Variants in PPM1H observed in about 807,000 individuals in gnomAD.
PPM1H encodes the protein protein phosphatase 1H.
PPM1H carries 27 observed loss-of-function variants against 54.9 expected under a neutral mutation model. That is an observed-to-expected ratio of 0.49 (90% CI 0.36 to 0.68). PPM1H has a LOEUF of 0.68. Among genes scored for constraint, PPM1H ranks in the 30% least tolerant of loss-of-function variants. PPM1H has a pLI of 0.00. For synonymous variants in PPM1H, 305 were observed against 270.8 expected, an observed-to-expected ratio of 1.13 and a Z score of -1.24; for missense variants, 596 against 667.8, an observed-to-expected ratio of 0.89 and a Z score of 1.19.
At chr12:62,779,563 C>G (rs919922217) in intron 4 of PPM1H, among the ~76,000 whole-genome samples, 2 of 152,208 alleles carry the variant, frequency 1.3e-5, no homozygotes, top group African/African-American at 4.8e-5. Context: ...GTGCTGAAGG[C>G]CTTCCAGGCA....
At chr12:62,886,363 T>C (rs575240050) in intron 1 of PPM1H, among the ~76,000 whole-genome samples, 4 of 152,238 alleles carry the variant, frequency 2.6e-5, no homozygotes, top group Non-Finnish European at 5.9e-5. Context: ...AATAAGGTGT[T>C]AATCCAAGTT....
intron 8 of PPM1H, among the ~76,000 whole-genome samples, chr12:62,671,364 C>G (rs891674757): frequency 7.2e-5 from 11 of 151,992 alleles, no homozygotes; most frequent in African/African-American, 2.4e-4. Flanking sequence ...AAAAGCCAGA[C>G]GAATCCTTGA....
rs2075795289 is a variant in PPM1H, at chr12:62,647,952, A to AAAAG, written c.*533_*536dup. On this transcript the variant is annotated 3_prime_UTR_variant, in exon 10 of 10. Coordinates refer to ENST00000228705, the MANE Select transcript of PPM1H (RefSeq NM_020700.2). ...CCCTGCCTCACTCCACCACTGCCAT[A>AAAAG]AAAGAATAGAAACAGAGAAGAAAAA... 6.6e-6 allele frequency: 1 copy of AAAAG among 151,674 alleles called. No homozygotes were observed. Among genetic ancestry groups the AAAAG allele is most frequent in the Non-Finnish European group, 1.5e-5 (1 of 68,112 alleles). 9.4% of individuals were successfully genotyped at this position (151,674 alleles called of 1,614,324 possible). A position where few individuals can be genotyped will look rare whatever the true frequency, so the allele number is the denominator to read the frequency against.
chr12:62,893,643 G>C (rs1049299602), intron 1 of PPM1H, among the ~76,000 whole-genome samples: 1 of 151,830 alleles, frequency 6.6e-6, no homozygotes, highest in African/African-American at 2.4e-5. Flanking sequence ...GTGCGGGGGG[G>C]AGGGGGTGTG....
At chr12:62,858,095 C>T (rs961980262) in intron 1 of PPM1H, among the ~76,000 whole-genome samples, 10 of 151,376 alleles carry the variant, frequency 6.6e-5, no homozygotes, top group South Asian at 4.2e-4. Context: ...CACCCCACCA[C>T]GCCCCCTACC....
At chr12:62,760,643 C>A (rs1416835358) in intron 4 of PPM1H, among the ~76,000 whole-genome samples, 1 of 152,192 alleles carries the variant, frequency 6.6e-6, no homozygotes, top group Admixed American at 6.5e-5. Context: ...TCAGACCTTT[C>A]CCAAATCAGC....
intron 1 of PPM1H, among the ~76,000 whole-genome samples, chr12:62,852,472 A>T (rs1172318220): frequency 6.6e-6 from 1 of 152,122 alleles, no homozygotes; most frequent in Non-Finnish European, 1.5e-5. Context: ...GTGAAAAGTA[A>T]ATTTGTTGTT....
intron 1 of PPM1H, among the ~76,000 whole-genome samples, chr12:62,872,037 A>G (rs572873): frequency 4.6e-5 from 7 of 152,100 alleles, no homozygotes; most frequent in African/African-American, 1.7e-4. Context: ...TACAGCATTC[A>G]GTTTCTAGCC....
At chr12:62,689,434 C>A (rs1220918062) in intron 8 of PPM1H, among the ~76,000 whole-genome samples, 1 of 152,106 alleles carries the variant, frequency 6.6e-6, no homozygotes, top group Non-Finnish European at 1.5e-5. Flanking sequence ...GAAAATTTAC[C>A]TGACTGCAAT....
rs1872259296 is a variant in PPM1H at position 62,934,549 on chromosome 12, C to T, written c.188G>A (p.Arg63His). ...AGTCTCCTTGAGGATGAGGATGGGG[C>T]GGGCGATGTGGTCGGCGCTGCACTC... The part of the protein sequence containing the change: ...EVECSADHIA[R>H]PILILKETRR... The change falls in exon 1 of 10, where the codon CGC becomes CAC. Residue 63 changes from arginine to histidine, a missense_variant. This residue lies in a region of PPM1H where 382 missense variants were observed against 387.1 expected (regional missense o/e 0.99). Coordinates refer to ENST00000228705, the MANE Select transcript of PPM1H (RefSeq NM_020700.2). The surrounding 1 kb of genome is among the most constrained non-coding windows in gnomAD (Gnocchi z 4.2). 1.3e-6 allele frequency: 2 copies of T among 1,552,304 alleles called. No individual in the cohort carries two copies. Among genetic ancestry groups the T allele is most frequent in the East Asian group, 2.5e-5 (1 of 40,804 alleles).
chr12:62,822,082 CA>C (rs202147046), intron 2 of PPM1H, among the ~76,000 whole-genome samples: 2 of 149,118 alleles, frequency 1.3e-5, no homozygotes, highest in African/African-American at 4.9e-5. Context: ...AAATGGAAAG[CA>C]AAAAAAAAGC....
At chr12:62,836,004 C>A (rs1168689308) in intron 1 of PPM1H, among the ~76,000 whole-genome samples, 2 of 152,182 alleles carry the variant, frequency 1.3e-5, no homozygotes, top group East Asian at 3.9e-4. Context: ...CAACAGATTC[C>A]TTAAAGGCAA....
intron 3 of PPM1H, among the ~76,000 whole-genome samples, chr12:62,801,235 A>G (rs779972130): frequency 3.9e-5 from 6 of 152,232 alleles, no homozygotes; most frequent in African/African-American, 7.2e-5. Flanking sequence ...AGCTGGCATC[A>G]ATATGAATAT....
At chr12:62,852,492 C>G (rs149059363) in intron 1 of PPM1H, among the ~76,000 whole-genome samples, 1 of 152,134 alleles carries the variant, frequency 6.6e-6, no homozygotes, top group Non-Finnish European at 1.5e-5. Context: ...TTATGTACCA[C>G]TCAGTCTGCG....
At chr12:62,734,386 C>T (rs1195780069) in intron 5 of PPM1H, among the ~76,000 whole-genome samples, 7 of 152,174 alleles carry the variant, frequency 4.6e-5, no homozygotes, top group Non-Finnish European at 8.8e-5. Context: ...ATGAGTAGTA[C>T]TTTCTGTCAC....
chr12:62,926,215 T>C (rs546412275), intron 1 of PPM1H, among the ~76,000 whole-genome samples: 25 of 152,326 alleles, frequency 1.6e-4, no homozygotes, highest in Middle Eastern at 3.4e-3. Flanking sequence ...ACTGAAAGAA[T>C]GGCCACTTTG....
At chr12:62,654,416 A>G (rs1357348078) in intron 9 of PPM1H, among the ~76,000 whole-genome samples, 1 of 152,156 alleles carries the variant, frequency 6.6e-6, no homozygotes, top group Non-Finnish European at 1.5e-5. Flanking sequence ...AGCACACTGC[A>G]TATGCAGCCC....
Position 62,802,148 on chromosome 12 carries a change from C to A in PPM1H, c.424G>T (p.Val142Phe). ...QLKENSESEG[V>F]SCHYWSLFDG... ...AACAGCGACCAATAGTGGCAGGAAACACCCTCGGATTCCTGTGGGAGAGGA... is the reference window on the plus strand; with the variant it reads ...AACAGCGACCAATAGTGGCAGGAAAAACCCTCGGATTCCTGTGGGAGAGGA... Residue 142 changes from valine to phenylalanine, a missense_variant, in exon 3 of 10, where the codon GTT becomes TTT. Around this residue, in one of 3 missense-constraint regions of PPM1H, gnomAD observed 382 missense variants for 387.1 expected, o/e 0.99. Coordinates refer to ENST00000228705, the MANE Select transcript of PPM1H (RefSeq NM_020700.2). 2 of 1,569,548 alleles carry A rather than the reference C, an allele frequency of 1.3e-6. No homozygotes were observed.
At chr12:62,799,443 AATTAC>A (rs1328124409) in intron 3 of PPM1H, among the ~76,000 whole-genome samples, 4 of 152,198 alleles carry the variant, frequency 2.6e-5, no homozygotes, top group Admixed American at 2.0e-4. Context: ...ATGCAAACTG[AATTAC>A]ATTACATTAC....
Sources: gnomAD v4.1 joint callset for allele counts (sites outside exome capture counted in the v4.1 genomes callset) on GRCh38, gnomAD v4.1.1 for gene constraint, gnomAD v4.1.1 regional missense constraint, Gnocchi (gnomAD v3.1) non-coding constraint, MANE v1.5 for transcripts, NCBI Gene and HGNC (gene_info 2026-07-23, HGNC 2026-07-21) for gene names.